XRCC5: variants seen among roughly 807,000 people sequenced by gnomAD.
The protein encoded by XRCC5 is X-ray repair cross complementing 5.
Under a neutral mutation model 95.7 loss-of-function variants are expected in XRCC5, and 12 were observed. The observed-to-expected ratio is 0.13, with a 90% CI of 0.08 to 0.20. The LOEUF (loss-of-function observed/expected upper bound fraction) is 0.20. Among genes scored for constraint, XRCC5 ranks in the 10% least tolerant of loss-of-function variants. XRCC5 has a pLI of 1.00. For missense variants in XRCC5, 595 were observed against 873.9 expected, an observed-to-expected ratio of 0.68 and a Z score of 4.02; for synonymous variants, 281 against 290.3, an observed-to-expected ratio of 0.97 and a Z score of 0.33.
rs1029472832 is a variant in XRCC5 at position 216,118,156 on chromosome 2, G to T, written c.368+362G>T. 2.0e-5 allele frequency among the ~76,000 whole-genome samples: 3 copies of T among 151,206 alleles called. No individual in the cohort carries two copies. In the East Asian group the frequency reaches 5.8e-4, roughly 29 times the overall value. On this transcript the variant is annotated intron_variant, in intron 4 of 20. Transcript: ENST00000392132. The stretch of plus-strand genomic sequence containing the variant: ...CTGGCCAACTTCCCTTTTTTGTTGT[G>T]TGTGTGTATGTTTTTTGTTGTTTTT...
intron 10 of XRCC5, among the ~76,000 whole-genome samples, chr2:216,133,440 A>G (rs1269505938): frequency 6.6e-6 from 1 of 152,226 alleles, no homozygotes; most frequent in Non-Finnish European, 1.5e-5. Context: ...TTTCCCAGAT[A>G]GCTGGGACTA....
intron 4 of XRCC5, among the ~76,000 whole-genome samples, chr2:216,118,822 T>C (rs1413085389): frequency 6.6e-6 from 1 of 152,172 alleles, no homozygotes; most frequent in East Asian, 1.9e-4. Context: ...ACATAACATT[T>C]CCATAATACC....
chr2:216,178,845 G>A (rs773488944), intron 16 of XRCC5, among the ~76,000 whole-genome samples: 16 of 152,056 alleles, frequency 1.1e-4, no homozygotes, highest in Non-Finnish European at 1.9e-4. Flanking sequence ...TAAACTGAAC[G>A]AACAACAAAA....
chr2:216,118,922 A>G, intron 4 of XRCC5, 121 bp from the exon 5 acceptor site: 1 of 1,035,696 alleles, frequency 9.7e-7, no homozygotes, highest in Non-Finnish European at 1.4e-6. Context: ...CTAGAATGTA[A>G]TCACATTTAT....
At chr2:216,139,799 C>T (rs1157484032) in intron 12 of XRCC5, among the ~76,000 whole-genome samples, 4 of 152,180 alleles carry the variant, frequency 2.6e-5, no homozygotes, top group African/African-American at 9.7e-5. Flanking sequence ...TAAGCCATCA[C>T]GTCCAGCCCA....
At chr2:216,119,675 T>A (rs887683591) in intron 5 of XRCC5, among the ~76,000 whole-genome samples, 1 of 152,308 alleles carries the variant, frequency 6.6e-6, no homozygotes, top group South Asian at 2.1e-4. Context: ...TGTGGACACA[T>A]ATATAAAATT....
chr2:216,194,997 G>A lies in XRCC5; in HGVS notation c.2109+11G>A, dbSNP rs373225891. 2.2e-5 allele frequency: 35 copies of A among 1,613,088 alleles called. No homozygotes were observed. Among genetic ancestry groups the A allele is most frequent in the Non-Finnish European group, 2.8e-5 (33 of 1,179,160 alleles). ...GAGGAAGCCAAAAAGGTATTGAGGGGTAAACCTTTGTCTTTAGTTGAATTA... is the reference window on the plus strand; with the variant it reads ...GAGGAAGCCAAAAAGGTATTGAGGGATAAACCTTTGTCTTTAGTTGAATTA... On this transcript the variant is annotated intron_variant, in intron 19 of 20. Coordinates refer to ENST00000392132, the MANE Select transcript of XRCC5 (RefSeq NM_021141.4).
chr2:216,140,424 G>T (rs1212020749), intron 12 of XRCC5, among the ~76,000 whole-genome samples: 1 of 152,224 alleles, frequency 6.6e-6, no homozygotes, highest in Non-Finnish European at 1.5e-5. Flanking sequence ...TTAGGCAGAA[G>T]TATTTTTGGG....
Position 216,116,806 on chromosome 2 carries a change from G to A in XRCC5, c.283G>A (p.Glu95Lys). Residue 95 changes from glutamate to lysine, a missense_variant, in exon 3 of 21, where the codon GAA becomes AAA. Physicochemically the swap from Glu to Lys is moderately conservative, Grantham distance 56. This residue lies in a region of XRCC5 where 286 missense variants were observed against 491.1 expected (regional missense o/e 0.58). Transcript: ENST00000392132. ...AGATTTTGATTTGCTGGAGGACATT[G>A]AAAGCAAAATCCAACCAGGTTCTCA... ...LPDFDLLEDI[E>K]SKIQPGSQQA... 6.2e-7 allele frequency: 1 copy of A among 1,614,134 alleles called. No individual in the cohort carries two copies. Among genetic ancestry groups the A allele is most frequent in the Non-Finnish European group, 8.5e-7 (1 of 1,180,010 alleles).
At chr2:216,138,919 C>T (rs957565987) in intron 12 of XRCC5, among the ~76,000 whole-genome samples, 20 of 152,140 alleles carry the variant, frequency 1.3e-4, no homozygotes, top group African/African-American at 4.8e-4. Flanking sequence ...TCTCGGAACT[C>T]AATTCTTTCT....
intron 7 of XRCC5, among the ~76,000 whole-genome samples, chr2:216,126,751 A>G (rs1019659718): frequency 1.3e-5 from 2 of 152,310 alleles, no homozygotes; most frequent in East Asian, 1.9e-4. Context: ...AATACATGAT[A>G]TATCTGTGAG....
Position 216,204,407 on chromosome 2 carries a change from T to A in XRCC5, c.2184+11T>A. ...GATGTGGACGATTTAGTAAGTACTT[T>A]TAATATGCACCTGGTGTTCTATGAT... On this transcript the variant is annotated intron_variant, in intron 20 of 20. Coordinates refer to ENST00000392132, the MANE Select transcript of XRCC5 (RefSeq NM_021141.4). The A allele has an allele frequency of 6.2e-7, 1 of 1,613,816 alleles. No homozygotes were observed. The highest frequency in any genetic ancestry group is 1.1e-5 in the South Asian group (1 of 91,074).
chr2:216,176,161 C>G lies in XRCC5; in HGVS notation c.1835-14064C>G, dbSNP rs570523221. Reference sequence around the variant, plus strand: ...GGATACGGGGTCTCACTCTGTTGCCCAGGCTGGAGTGTAGTGGTGTGATCT... The same window carrying G: ...GGATACGGGGTCTCACTCTGTTGCCGAGGCTGGAGTGTAGTGGTGTGATCT... On this transcript the variant is annotated intron_variant, in intron 16 of 20. Transcript: ENST00000392132. 16 of 165,454 alleles carry G rather than the reference C, an allele frequency of 9.7e-5. No homozygotes were observed. The South Asian group carries it at 2.6e-3, about 27-fold the overall frequency. 10.2% of individuals were successfully genotyped at this position (165,454 alleles called of 1,614,324 possible).
chr2:216,184,971 A>G (rs1689468073), intron 16 of XRCC5, among the ~76,000 whole-genome samples: 1 of 152,030 alleles, frequency 6.6e-6, no homozygotes, highest in African/African-American at 2.4e-5. Flanking sequence ...GTGTCTAAAG[A>G]CTTCCTACTG....
At chr2:216,137,541 T>A (rs1051030643) in intron 11 of XRCC5, among the ~76,000 whole-genome samples, 12 of 152,210 alleles carry the variant, frequency 7.9e-5, no homozygotes, top group Non-Finnish European at 1.6e-4. Context: ...GAATAATCAA[T>A]AAAGGTTCAC....
chr2:216,109,584 C>G, intron 1 of XRCC5, 127 bp downstream of exon 1: 1 of 1,411,576 alleles, frequency 7.1e-7, no homozygotes, highest in Non-Finnish European at 9.7e-7. Flanking sequence ...TGGTGGTGGG[C>G]TCAGTCAGGA....
intron 16 of XRCC5, among the ~76,000 whole-genome samples, chr2:216,185,022 A>C (rs1289105478): frequency 6.6e-6 from 1 of 152,066 alleles, no homozygotes; most frequent in Non-Finnish European, 1.5e-5. Flanking sequence ...AGGGAGGGAG[A>C]AACCGGTGTA....
intron 16 of XRCC5, among the ~76,000 whole-genome samples, chr2:216,162,277 A>G (rs938795514): frequency 2.2e-4 from 34 of 152,378 alleles, no homozygotes; most frequent in African/African-American, 7.9e-4. Context: ...GTCTCCCTAC[A>G]GAAAAACTTT....
intron 17 of XRCC5, among the ~76,000 whole-genome samples, chr2:216,191,855 CTA>C (rs1468580695): frequency 5.9e-5 from 9 of 152,178 alleles, no homozygotes; most frequent in African/African-American, 2.2e-4. Flanking sequence ...TTTTAAAAGA[CTA>C]TATTTTCTAT....
Sources: gnomAD v4.1 joint callset for allele counts (sites outside exome capture counted in the v4.1 genomes callset) on GRCh38, gnomAD v4.1.1 for gene constraint, gnomAD v4.1.1 regional missense constraint, MANE v1.5 for transcripts, NCBI Gene and HGNC (gene_info 2026-07-23, HGNC 2026-07-21) for gene names.